TENM3: variants seen among roughly 807,000 people sequenced by gnomAD.
TENM3 encodes teneurin transmembrane protein 3, also known as teneurin-3.
Under a neutral mutation model 255.1 loss-of-function variants are expected in TENM3, and 63 were observed. The ratio of observed to expected loss-of-function variants is 0.25; its 90% CI spans 0.20 to 0.30. The LOEUF is 0.30. Ranked by LOEUF, TENM3 falls within the 10% of genes least tolerant of loss-of-function variation. TENM3 has a pLI of 1.00. For missense variants in TENM3, 2,929 were observed against 3,461.1 expected (o/e 0.85, Z 3.86); for synonymous variants, 1,306 against 1,322.3 (o/e 0.99, Z 0.27).
chr4:181,812,662 T>C, the TENM3 span, among the ~76,000 whole-genome samples: 7 of 152,146 alleles, frequency 4.6e-5, no homozygotes, highest in African/African-American at 1.7e-4. Flanking sequence ...ATCATTAATA[T>C]TTTTGGCTCG....
chr4:181,655,351 A>C, the TENM3 span, among the ~76,000 whole-genome samples: 1 of 152,236 alleles, frequency 6.6e-6, no homozygotes, highest in Non-Finnish European at 1.5e-5. Flanking sequence ...GAGAGAAAAG[A>C]GTCGGAGGCT....
chr4:181,478,022 T>C, the TENM3 span, among the ~76,000 whole-genome samples: 6 of 152,226 alleles, frequency 3.9e-5, no homozygotes, highest in East Asian at 9.6e-4. Flanking sequence ...TTGGATTATA[T>C]GAAAAGTTGT....
intron 3 of TENM3, among the ~76,000 whole-genome samples, chr4:182,547,584 G>A (rs1163712408): frequency 6.6e-6 from 1 of 152,088 alleles, no homozygotes; most frequent in Non-Finnish European, 1.5e-5. Context: ...AGAGGAGGTT[G>A]CTAAGTGCTA....
intron 13 of TENM3, among the ~76,000 whole-genome samples, chr4:182,723,530 C>A (rs144940315): frequency 6.6e-6 from 1 of 152,030 alleles, no homozygotes; most frequent in Admixed American, 6.6e-5. Flanking sequence ...TTTTGAAAAA[C>A]AAATAACAAT....
At chr4:181,834,551 G>A in the TENM3 span, among the ~76,000 whole-genome samples, 9 of 152,162 alleles carry the variant, frequency 5.9e-5, no homozygotes, top group African/African-American at 2.2e-4. Context: ...ACCTGCACCT[G>A]GGATCCCACC....
intron 3 of TENM3, among the ~76,000 whole-genome samples, chr4:182,411,641 G>A (rs1378996414): frequency 6.6e-6 from 1 of 152,174 alleles, no homozygotes; most frequent in African/African-American, 2.4e-5. Context: ...GAACCCTGGT[G>A]TAACTAACAC....
At chr4:182,560,251 T>C (rs1328881558) in intron 3 of TENM3, among the ~76,000 whole-genome samples, 1 of 152,080 alleles carries the variant, frequency 6.6e-6, no homozygotes, top group South Asian at 2.1e-4. Context: ...TACACTTTTA[T>C]TTATTAAAAG....
At chr4:181,967,053 T>C in the TENM3 span, among the ~76,000 whole-genome samples, 1 of 152,142 alleles carries the variant, frequency 6.6e-6, no homozygotes, top group Non-Finnish European at 1.5e-5. Flanking sequence ...CAAATTTCTT[T>C]TCATGCAGTT....
intron 1 of TENM3, among the ~76,000 whole-genome samples, chr4:182,202,645 C>T (rs538172714): frequency 7.9e-5 from 12 of 152,240 alleles, no homozygotes; most frequent in African/African-American, 2.2e-4. Context: ...TCCACTGCTT[C>T]GCTTACAATC....
chr4:182,111,521 C>T, the TENM3 span, among the ~76,000 whole-genome samples: 23 of 152,202 alleles, frequency 1.5e-4, no homozygotes, highest in African/African-American at 4.6e-4. Context: ...AAGAAAGCGG[C>T]GAAAGTGTTT....
the TENM3 span, among the ~76,000 whole-genome samples, chr4:181,472,680 G>C: frequency 3.3e-5 from 5 of 152,210 alleles, no homozygotes; most frequent in African/African-American, 9.6e-5. Context: ...GGGAGTAGGA[G>C]TGTAAGCATG....
intron 27 of TENM3, 24 bp downstream of exon 27, chr4:182,796,791 A>G: frequency 6.3e-7 from 1 of 1,581,546 alleles, no homozygotes; most frequent in Non-Finnish European, 8.6e-7. Context: ...AGACCTACGG[A>G]AAGGTGATAA....
intron 1 of TENM3, among the ~76,000 whole-genome samples, chr4:182,263,130 G>T (rs1029917692): frequency 6.6e-6 from 1 of 152,066 alleles, no homozygotes; most frequent in African/African-American, 2.4e-5. Flanking sequence ...TGGCGACCGC[G>T]AAGGGACTGT....
At chr4:182,382,181 A>G (rs940766214) in intron 3 of TENM3, among the ~76,000 whole-genome samples, 1 of 152,186 alleles carries the variant, frequency 6.6e-6, no homozygotes, top group African/African-American at 2.4e-5. Context: ...GCAAGTAGAT[A>G]TATAATGAAA....
intron 3 of TENM3, among the ~76,000 whole-genome samples, chr4:182,576,131 TTC>T (rs1744893519): frequency 6.6e-6 from 1 of 152,228 alleles, no homozygotes; most frequent in African/African-American, 2.4e-5. Flanking sequence ...AACTTTTTCT[TTC>T]TCTTCATCCT....
Position 182,800,444 on chromosome 4 carries a change from C to T in TENM3, c.*93C>T. 1.4e-6 allele frequency: 2 copies of T among 1,408,100 alleles called. No homozygotes were observed. Among genetic ancestry groups the T allele is most frequent in the South Asian group, 2.8e-5 (2 of 70,182 alleles). 87.2% of individuals were successfully genotyped at this position (1,408,100 alleles called of 1,614,324 possible). On this transcript the variant is annotated 3_prime_UTR_variant, in exon 28 of 28. Transcript: ENST00000511685. Reference sequence around the variant, plus strand: ...GACTCTCCAACGCCCAAGAGCCTTCCTCCCGGGGGAATGAGACTGCTGTTA... The same window carrying T: ...GACTCTCCAACGCCCAAGAGCCTTCTTCCCGGGGGAATGAGACTGCTGTTA...
At chr4:181,627,786 C>T in the TENM3 span, among the ~76,000 whole-genome samples, 1 of 152,148 alleles carries the variant, frequency 6.6e-6, no homozygotes, top group African/African-American at 2.4e-5. Flanking sequence ...AATAGTACCG[C>T]AATAAACATT....
At chr4:181,605,534 G>GAAAA in the TENM3 span, among the ~76,000 whole-genome samples, 1 of 22,190 alleles carries the variant, frequency 4.5e-5, no homozygotes, top group African/African-American at 1.1e-4. Context: ...AAGAAAGAAA[G>GAAAA]AAAGAAAGAA....
At chr4:181,843,309 T>A in the TENM3 span, among the ~76,000 whole-genome samples, 2 of 152,200 alleles carry the variant, frequency 1.3e-5, no homozygotes, top group African/African-American at 4.8e-5. Context: ...ATCATCAATC[T>A]CCATGCCTGG....
Sources: gnomAD v4.1 joint callset for allele counts (sites outside exome capture counted in the v4.1 genomes callset) on GRCh38, gnomAD v4.1.1 for gene constraint, MANE v1.5 for transcripts, NCBI Gene and HGNC (gene_info 2026-07-23, HGNC 2026-07-21) for gene names.